The following PARP4 variants were observed in gnomAD, a reference collection of about 807,000 sequenced individuals.
PARP4 encodes the protein protein mono-ADP-ribosyltransferase PARP4.
In PARP4, 120 loss-of-function variants were observed where a neutral mutation model predicts 187.7. The ratio of observed to expected loss-of-function variants is 0.64; its 90% confidence interval spans 0.55 to 0.74. The LOEUF (loss-of-function observed/expected upper bound fraction) is 0.74, where lower values mean the gene tolerates loss of function less well. Ranked by LOEUF, PARP4 falls within the 30% of genes least tolerant of loss-of-function variation. The pLI is 0.00. For missense variants in PARP4, 1,836 were observed against 2,070.5 expected (o/e 0.89, Z 2.20); for synonymous variants, 654 against 740.9 (o/e 0.88, Z 1.90).
rs748734177 is a variant in PARP4 at position 24,441,830 on chromosome 13, G to A, written c.3666+16C>T. 1.3e-6 allele frequency: 2 copies of A among 1,561,696 alleles called. No individual in the cohort carries two copies. Among genetic ancestry groups the A allele is most frequent in the East Asian group, 2.3e-5 (1 of 43,014 alleles). ...ACGAAAGCTCAATATCAACTTATTC[G>A]GTAATCAGCATTTACCTGGTTCCTG... On this transcript the variant is annotated intron_variant, in intron 30 of 33. Coordinates refer to ENST00000381989, the MANE Select transcript of PARP4 (RefSeq NM_006437.4).
intron 12 of PARP4, among the ~76,000 whole-genome samples, chr13:24,480,393 G>A (rs1873214389): frequency 6.6e-6 from 1 of 152,138 alleles, no homozygotes; most frequent in African/African-American, 2.4e-5. Context: ...AAGTGTTCAA[G>A]TGAAAGAAAG....
At chr13:24,476,900 G>A (rs1399141227) in intron 14 of PARP4, among the ~76,000 whole-genome samples, 3 of 152,142 alleles carry the variant, frequency 2.0e-5, no homozygotes, top group Non-Finnish European at 4.4e-5. Flanking sequence ...TCTGTCATGC[G>A]GGTACTGCTC....
At chr13:24,430,490 CA>C (rs1240558892) in intron 32 of PARP4, among the ~76,000 whole-genome samples, 3 of 151,670 alleles carry the variant, frequency 2.0e-5, no homozygotes, top group African/African-American at 7.3e-5. Flanking sequence ...CCATCTCTAC[CA>C]AAAAATACAA....
At chr13:24,470,434 C>G (rs1189450210) in intron 15 of PARP4, among the ~76,000 whole-genome samples, 1 of 152,130 alleles carries the variant, frequency 6.6e-6, no homozygotes, top group Non-Finnish European at 1.5e-5. Context: ...GCCTTTCCTC[C>G]TGGGGACCTC....
At chr13:24,497,817 G>A (rs1297093340) in intron 6 of PARP4, among the ~76,000 whole-genome samples, 1 of 152,160 alleles carries the variant, frequency 6.6e-6, no homozygotes, top group Non-Finnish European at 1.5e-5. Context: ...TGAGGACACA[G>A]ATGCCCACAG....
In PARP4 at chr13:24,441,988, G is replaced by A. The variant is rs1870952716; in HGVS notation, c.3544-20C>T. 1 of 1,566,624 alleles carries A rather than the reference G, an allele frequency of 6.4e-7. No homozygotes were observed. Among genetic ancestry groups the A allele is most frequent in the African/African-American group, 1.4e-5 (1 of 71,968 alleles). ...CTCATCCTATATTGAATCACAAATA[G>A]ATTAAATCAAACAGATGTTATCCAA... is the stretch of plus-strand genomic sequence containing the variant. On this transcript the variant is annotated intron_variant, in intron 29 of 33. Coordinates refer to ENST00000381989, the MANE Select transcript of PARP4 (RefSeq NM_006437.4).
intron 2 of PARP4, among the ~76,000 whole-genome samples, chr13:24,502,407 A>G (rs954365417): frequency 6.6e-6 from 1 of 152,232 alleles, no homozygotes; most frequent in African/African-American, 2.4e-5. Flanking sequence ...ATGACGACGT[A>G]TTAACTTCAT....
At chr13:24,446,217 T>C (rs918935957) in intron 27 of PARP4, among the ~76,000 whole-genome samples, 13 of 152,348 alleles carry the variant, frequency 8.5e-5, no homozygotes, top group African/African-American at 2.4e-4. Flanking sequence ...ATAAATGCCA[T>C]ACTTAATTGC....
chr13:24,454,950 C>CA (rs1871740057), intron 22 of PARP4, 67 bp downstream of exon 22: 2 of 1,317,778 alleles, frequency 1.5e-6, no homozygotes, highest in East Asian at 4.9e-5. Flanking sequence ...CCACAGTTGT[C>CA]AGCTCTACAG....
chr13:24,437,610 ATGCTCC>A (rs1870694379), intron 30 of PARP4, among the ~76,000 whole-genome samples: 3 of 152,194 alleles, frequency 2.0e-5, no homozygotes, highest in Admixed American at 6.5e-5. Context: ...AATATAAAAC[ATGCTCC>A]TCTTCATTCA....
In PARP4 at chr13:24,447,152, C is replaced by T. The variant is rs1362965535; in HGVS notation, c.3149G>A (p.Ser1050Asn). The change falls in exon 26 of 34, where the codon AGT becomes AAT. Residue 1050 changes from serine to asparagine, a missense_variant. Physicochemically the swap from Ser to Asn is conservative, Grantham distance 46. Transcript: ENST00000381989. ...EDQMTRLCSP[S>N]CHSVSVKWQQ... The stretch of plus-strand genomic sequence containing the variant: ...CCATTTGACGGAGACAGAGTGGCAA[C>T]TCGGAGAACATAGCCTGGTCATTTG... 6.2e-6 allele frequency: 10 copies of T among 1,612,650 alleles called. No homozygotes were observed. Among genetic ancestry groups the T allele is most frequent in the Non-Finnish European group, 8.5e-6 (10 of 1,179,342 alleles).
chr13:24,473,558 C>T (rs775468007), intron 15 of PARP4, among the ~76,000 whole-genome samples: 2 of 152,148 alleles, frequency 1.3e-5, no homozygotes, highest in Admixed American at 6.5e-5. Flanking sequence ...TCTCCCAGGT[C>T]GCCAGGTTTC....
chr13:24,450,073 G>A (rs61612729), intron 24 of PARP4, among the ~76,000 whole-genome samples: 23,483 of 151,670 alleles, frequency 0.15, 2,355 homozygotes, highest in African/African-American at 0.28. Context: ...TTGACTTTCA[G>A]TTCCTGAGGG....
intron 10 of PARP4, among the ~76,000 whole-genome samples, chr13:24,489,267 G>A (rs1352352873): frequency 6.6e-6 from 1 of 152,168 alleles, no homozygotes; most frequent in African/African-American, 2.4e-5. Context: ...AATGTGTGAT[G>A]CTTTCAGTCT....
Position 24,435,065 on chromosome 13 carries a change from A to G in PARP4, c.4076T>C (p.Phe1359Ser). 6.2e-7 allele frequency: 1 copy of G among 1,614,138 alleles called. No homozygotes were observed. Among genetic ancestry groups the G allele is most frequent in the Non-Finnish European group, 8.5e-7 (1 of 1,180,038 alleles). ...SFGSAAPPRQ[F>S]DASQFSQGPV... ...GCCTTGGCTGAATTGAGATGCATCA[A>G]ACTGTCTGGGAGGAGCAGCTGAACC... The change falls in exon 31 of 34, where the codon TTT (phenylalanine) becomes TCT (serine). Residue 1359 changes from phenylalanine to serine, a missense_variant. Physicochemically the swap from Phe to Ser is radical, Grantham distance 155. Around this residue, in one of 8 missense-constraint regions of PARP4, gnomAD observed 450 missense variants for 439.2 expected, o/e 1.02. Coordinates refer to ENST00000381989, the MANE Select transcript of PARP4 (RefSeq NM_006437.4).
intron 12 of PARP4, among the ~76,000 whole-genome samples, chr13:24,483,492 CAAA>C (rs745935813): frequency 2.8e-5 from 3 of 108,010 alleles, no homozygotes; most frequent in African/African-American, 7.2e-5. Flanking sequence ...GACTCCGTCT[CAAA>C]AAAAAAAAAA....
chr13:24,506,221 G>T (rs752958415), intron 1 of PARP4, among the ~76,000 whole-genome samples: 1 of 151,706 alleles, frequency 6.6e-6, no homozygotes, highest in Non-Finnish European at 1.5e-5. Flanking sequence ...TCTTTAAGGC[G>T]GCGCATCCAG....
chr13:24,460,803 G>GT (rs938472289), intron 17 of PARP4, among the ~76,000 whole-genome samples: 1 of 152,134 alleles, frequency 6.6e-6, no homozygotes, highest in African/African-American at 2.4e-5. Context: ...ATCCTCTTAA[G>GT]TAGATGGGAC....
chr13:24,455,012 C>A lies in PARP4; in HGVS notation c.2758+5G>T, dbSNP rs1565998656. 5 of 1,576,230 alleles carry A rather than the reference C, an allele frequency of 3.2e-6. No individual in the cohort carries two copies. The highest frequency in any genetic ancestry group is 4.3e-6 in the Non-Finnish European group (5 of 1,152,236). On this transcript the variant is annotated splice_donor_5th_base_variant and intron_variant, in intron 22 of 33. Coordinates refer to ENST00000381989, the MANE Select transcript of PARP4 (RefSeq NM_006437.4). ...CACGCAGGACCAGGGCCAAAGCGCA[C>A]TCACCTGTGCCGAACTGGATAATAT...
Sources: allele counts gnomAD v4.1 joint callset (sites outside exome capture counted in the v4.1 genomes callset), GRCh38; gene constraint gnomAD v4.1.1; regional missense constraint gnomAD v4.1.1; transcripts MANE v1.5; gene names NCBI Gene and HGNC (gene_info 2026-07-23, HGNC 2026-07-21).